The following GPC6 variants were observed in gnomAD, a reference collection of about 807,000 sequenced individuals.
GPC6 encodes the protein glypican 6, also known as glypican-6.
In GPC6, 14 loss-of-function variants were observed where a neutral mutation model predicts 55.2. The observed-to-expected ratio is 0.25, with a 90% confidence interval of 0.17 to 0.40. The LOEUF (loss-of-function observed/expected upper bound fraction) is 0.40, where lower values mean the gene tolerates loss of function less well. Ranked by LOEUF, GPC6 falls within the 10% of genes least tolerant of loss-of-function variation. The pLI, the probability that GPC6 is intolerant of heterozygous loss-of-function variation, is 1.00. For missense variants in GPC6, 641 were observed against 708.5 expected, an observed-to-expected ratio of 0.90 and a Z score of 1.08; for synonymous variants, 278 against 259.6, an observed-to-expected ratio of 1.07 and a Z score of -0.68.
intron 4 of GPC6, among the ~76,000 whole-genome samples, chr13:94,269,153 G>T (rs1303530256): frequency 3.9e-5 from 6 of 152,142 alleles, no homozygotes; most frequent in Admixed American, 3.9e-4. Context: ...GTTAACAGGT[G>T]GCCCCTCAAC....
rs138512538 is a variant in GPC6, at chr13:93,581,018, T to C, written c.319+35597T>C. ...GTATGGAGTTTTCTGATGAGGAAAA[T>C]AGGCGATTTTGAGCCATTATAATTG... On this transcript the variant is annotated intron_variant, in intron 2 of 8. Transcript: ENST00000377047. Among the ~76,000 whole-genome samples, 319 of 152,228 alleles carry C rather than the reference T, an allele frequency of 2.1e-3. 4 individuals are homozygous for C. The highest frequency in any genetic ancestry group is 7.1e-3 in the African/African-American group (294 of 41,546).
intron 2 of GPC6, among the ~76,000 whole-genome samples, chr13:93,605,842 TAAAA>T (rs1193693750): frequency 7.6e-5 from 5 of 65,896 alleles, no homozygotes; most frequent in South Asian, 5.5e-4. Context: ...ACCGTCTCAA[TAAAA>T]AAAAAAAAAA....
At chr13:94,094,633 A>T (rs79353067) in intron 4 of GPC6, among the ~76,000 whole-genome samples, 13 of 152,130 alleles carry the variant, frequency 8.5e-5, no homozygotes, top group African/African-American at 3.1e-4. Context: ...AGTAAGATGT[A>T]CTTGTATTTC....
intron 1 of GPC6, among the ~76,000 whole-genome samples, chr13:93,426,184 C>G (rs186343998): frequency 1.3e-5 from 2 of 152,072 alleles, no homozygotes; most frequent in African/African-American, 4.8e-5. Flanking sequence ...TTAGATGATA[C>G]TTCCTATAGC....
intron 2 of GPC6, among the ~76,000 whole-genome samples, chr13:93,801,714 A>T (rs1886376530): frequency 6.6e-6 from 1 of 152,188 alleles, no homozygotes; most frequent in Non-Finnish European, 1.5e-5. Context: ...TTATTGTTTC[A>T]TGTTGGTTTA....
At chr13:93,329,804 AC>A (rs1489711873) in intron 1 of GPC6, among the ~76,000 whole-genome samples, 1 of 151,958 alleles carries the variant, frequency 6.6e-6, no homozygotes, top group Non-Finnish European at 1.5e-5. Flanking sequence ...TTTCCCCATT[AC>A]CTTAAGCCCA....
intron 3 of GPC6, among the ~76,000 whole-genome samples, chr13:94,006,745 T>C (rs1039370857): frequency 3.9e-5 from 6 of 152,218 alleles, no homozygotes; most frequent in Admixed American, 3.3e-4. Flanking sequence ...ATTTGGCCTT[T>C]CTCATTTCCG....
chr13:93,666,319 T>C (rs1323709403), intron 2 of GPC6, among the ~76,000 whole-genome samples: 1 of 152,260 alleles, frequency 6.6e-6, no homozygotes, highest in African/African-American at 2.4e-5. Flanking sequence ...TCTAAGACTT[T>C]AAATTTGATT....
chr13:93,247,677 AG>A, intron 1 of GPC6, among the ~76,000 whole-genome samples: 2 of 152,312 alleles, frequency 1.3e-5, no homozygotes, highest in East Asian at 3.9e-4. Context: ...ATAAAAGGTC[AG>A]TTTCAATTGA....
chr13:93,364,445 T>G (rs141546064), intron 1 of GPC6, among the ~76,000 whole-genome samples: 1 of 152,052 alleles, frequency 6.6e-6, no homozygotes, highest in African/African-American at 2.4e-5. Flanking sequence ...TCACCTTTCA[T>G]GAAGGAACTG....
intron 4 of GPC6, among the ~76,000 whole-genome samples, chr13:94,037,100 A>C (rs917315255): frequency 1.3e-5 from 2 of 152,032 alleles, no homozygotes; most frequent in Non-Finnish European, 2.9e-5. Flanking sequence ...AATAGTCCTA[A>C]GAGGACTTCA....
intron 3 of GPC6, among the ~76,000 whole-genome samples, chr13:93,899,667 C>T (rs1172207006): frequency 1.3e-5 from 2 of 152,174 alleles, no homozygotes; most frequent in East Asian, 1.9e-4. Flanking sequence ...AAGAAGCACT[C>T]GTAAACGACA....
At chr13:94,215,655 T>G (rs1890203804) in intron 4 of GPC6, among the ~76,000 whole-genome samples, 1 of 152,142 alleles carries the variant, frequency 6.6e-6, no homozygotes, top group Non-Finnish European at 1.5e-5. Flanking sequence ...TACCAGGACT[T>G]TAAAGTTACA....
chr13:94,025,553 A>G (rs1882865681), intron 3 of GPC6: 1 of 152,082 alleles, frequency 6.6e-6, no homozygotes, highest in Non-Finnish European at 1.5e-5. Context: ...CTTAGCTTCC[A>G]AGATCAGGTG....
At chr13:94,034,243 AGG>A (rs1420870258) in intron 4 of GPC6, among the ~76,000 whole-genome samples, 83 of 151,396 alleles carry the variant, frequency 5.5e-4, no homozygotes, top group Admixed American at 8.6e-4. Flanking sequence ...GAAGGAAGGA[AGG>A]AAGGAAAGAA....
At chr13:93,762,043 C>T (rs972120769) in intron 2 of GPC6, among the ~76,000 whole-genome samples, 1 of 152,118 alleles carries the variant, frequency 6.6e-6, no homozygotes, top group Non-Finnish European at 1.5e-5. Context: ...CCCTTCCTCC[C>T]GTCAGCCTCT....
At chr13:93,280,098 A>AT (rs1240361911) in intron 1 of GPC6, among the ~76,000 whole-genome samples, 1 of 152,100 alleles carries the variant, frequency 6.6e-6, no homozygotes, top group Non-Finnish European at 1.5e-5. Flanking sequence ...ACCTGAAGGC[A>AT]TTTTTTCACC....
At chr13:93,532,768 G>T (rs1161067236) in intron 1 of GPC6, among the ~76,000 whole-genome samples, 1 of 152,130 alleles carries the variant, frequency 6.6e-6, no homozygotes, top group African/African-American at 2.4e-5. Flanking sequence ...GAAGAACTAA[G>T]AAGTTTCTTC....
chr13:93,898,138 A>G (rs909585789), intron 3 of GPC6, among the ~76,000 whole-genome samples: 2 of 152,110 alleles, frequency 1.3e-5, no homozygotes, highest in Non-Finnish European at 2.9e-5. Context: ...ATATTTGGAG[A>G]TTAGTGACTG....
Sources: gnomAD v4.1 joint callset for allele counts (sites outside exome capture counted in the v4.1 genomes callset) on GRCh38, gnomAD v4.1.1 for gene constraint, MANE v1.5 for transcripts, NCBI Gene and HGNC (gene_info 2026-07-23, HGNC 2026-07-21) for gene names.